Variants in ANO3 observed in about 807,000 individuals in gnomAD.
ANO3 encodes anoctamin-3.
ANO3 carries 99 observed loss-of-function variants against 144.8 expected under a neutral mutation model. That is an observed-to-expected ratio of 0.68 (90% CI 0.58 to 0.81). ANO3 has a LOEUF of 0.81. Among genes scored for constraint, ANO3 ranks in the 30% least tolerant of loss-of-function variants. The pLI is 0.00. For missense variants in ANO3, 905 were observed against 1,202.2 expected, an observed-to-expected ratio of 0.75 and a Z score of 3.66; for synonymous variants, 414 against 392.6, an observed-to-expected ratio of 1.05 and a Z score of -0.64.
chr11:26,412,099 A>G (rs1312188030), intron 1 of ANO3, among the ~76,000 whole-genome samples: 1 of 152,048 alleles, frequency 6.6e-6, no homozygotes, highest in Admixed American at 6.6e-5. Context: ...TAAAAATTCA[A>G]AATGTTTATA....
At chr11:26,516,530 T>G (rs1386591602) in intron 5 of ANO3, among the ~76,000 whole-genome samples, 1 of 151,928 alleles carries the variant, frequency 6.6e-6, no homozygotes, top group African/African-American at 2.4e-5. Context: ...CTTCAGATTT[T>G]TAATTGGCTC....
At chr11:26,594,676 G>T (rs986775655) in intron 14 of ANO3, among the ~76,000 whole-genome samples, 2 of 152,106 alleles carry the variant, frequency 1.3e-5, no homozygotes, top group East Asian at 1.9e-4. Flanking sequence ...TTGAAGGGGG[G>T]TCTTTATTAG....
intron 1 of ANO3, among the ~76,000 whole-genome samples, chr11:26,387,541 C>T (rs1433703580): frequency 6.6e-6 from 1 of 151,842 alleles, no homozygotes; most frequent in Non-Finnish European, 1.5e-5. Flanking sequence ...ATTTTTGTTG[C>T]CTGTTCATCT....
chr11:26,564,722 CACACACACACATATATATATATATAT>C (rs1173306516), intron 14 of ANO3, among the ~76,000 whole-genome samples: 27 of 66,988 alleles, frequency 4.0e-4, no homozygotes, highest in Non-Finnish European at 5.9e-4. Flanking sequence ...CACACACACA[CACACACACACATATATATATATATAT>C]ATATATATAT....
chr11:26,408,848 C>T (rs1857358768), intron 1 of ANO3, among the ~76,000 whole-genome samples: 1 of 151,584 alleles, frequency 6.6e-6, no homozygotes, highest in South Asian at 2.1e-4. Flanking sequence ...AACTGGAAAC[C>T]ATCATTCTCA....
chr11:26,509,290 A>G (rs545809714), intron 5 of ANO3, among the ~76,000 whole-genome samples: 21 of 152,072 alleles, frequency 1.4e-4, no homozygotes, highest in African/African-American at 2.6e-4. Context: ...TAACTATTAC[A>G]GAGACACCTA....
upstream of ANO3, among the ~76,000 whole-genome samples, chr11:26,307,455 C>T (rs1271043975): frequency 6.6e-6 from 1 of 152,080 alleles, no homozygotes; most frequent in Non-Finnish European, 1.5e-5. Context: ...AATCCCAGCA[C>T]TTTGGGAGGC....
At chr11:26,219,666 A>C (rs1271643874) in intron 1 of ANO3, among the ~76,000 whole-genome samples, 4 of 152,210 alleles carry the variant, frequency 2.6e-5, no homozygotes, top group African/African-American at 4.8e-5. Flanking sequence ...ACAAACGTTC[A>C]TAAGTCTAAC....
chr11:26,551,298 A>G (rs1449992548), intron 12 of ANO3, among the ~76,000 whole-genome samples: 2 of 152,042 alleles, frequency 1.3e-5, no homozygotes, highest in African/African-American at 4.8e-5. Flanking sequence ...AATACAAAAC[A>G]AAAGAAAACC....
At chr11:26,423,308 A>C (rs1450650689) in intron 1 of ANO3, among the ~76,000 whole-genome samples, 1 of 35,624 alleles carries the variant, frequency 2.8e-5, no homozygotes, top group Non-Finnish European at 5.8e-5. Context: ...ATACCTTTAT[A>C]CTTTTTTTTT....
At chr11:26,487,411 C>T (rs376335711) in intron 4 of ANO3, among the ~76,000 whole-genome samples, 64 of 152,204 alleles carry the variant, frequency 4.2e-4, no homozygotes, top group African/African-American at 1.4e-3. Flanking sequence ...CTTTTTGTTC[C>T]CAGTTTGTGT....
intron 1 of ANO3, among the ~76,000 whole-genome samples, chr11:26,349,673 G>A (rs1235884712): frequency 3.3e-5 from 5 of 151,852 alleles, no homozygotes; most frequent in Non-Finnish European, 7.4e-5. Flanking sequence ...CTCAGCCTCC[G>A]GAGTAGCTGG....
At chr11:26,544,550 A>G (rs1029964041) in intron 11 of ANO3, among the ~76,000 whole-genome samples, 3 of 149,230 alleles carry the variant, frequency 2.0e-5, no homozygotes, top group Admixed American at 6.8e-5. Context: ...AGTTAATAAT[A>G]ATGTATTTTA....
intron 1 of ANO3, among the ~76,000 whole-genome samples, chr11:26,382,773 G>A (rs719106): frequency 0.27 from 40,592 of 151,966 alleles, 6,097 homozygotes; most frequent in African/African-American, 0.41. Context: ...ATAATTAGAA[G>A]TATGTGTTAC....
intron 26 of ANO3, among the ~76,000 whole-genome samples, chr11:26,657,008 A>C (rs759909369): frequency 3.3e-5 from 5 of 152,164 alleles, no homozygotes; most frequent in Non-Finnish European, 7.4e-5. Context: ...CCTGTGAAGA[A>C]ATTTGGCAGA....
intron 1 of ANO3, among the ~76,000 whole-genome samples, chr11:26,372,488 T>C (rs1189689001): frequency 6.6e-6 from 1 of 152,248 alleles, no homozygotes; most frequent in Non-Finnish European, 1.5e-5. Flanking sequence ...GTTCTTTTTA[T>C]AGAAGAGGAT....
intron 1 of ANO3, chr11:26,426,928 A>G (rs1411767605): frequency 6.6e-6 from 1 of 152,290 alleles, no homozygotes; most frequent in Admixed American, 6.5e-5. Flanking sequence ...CTCACACTTT[A>G]AATCAAATCT....
intron 22 of ANO3, 133 bp downstream of exon 22, chr11:26,642,162 T>G: frequency 1.1e-6 from 1 of 940,484 alleles, no homozygotes; most frequent in Non-Finnish European, 1.6e-6. Context: ...CGTCTGCACC[T>G]TCATCTCAAG....
intron 1 of ANO3, among the ~76,000 whole-genome samples, chr11:26,235,708 A>G (rs918426871): frequency 6.6e-6 from 1 of 150,890 alleles, no homozygotes; most frequent in Non-Finnish European, 1.5e-5. Flanking sequence ...CATCATTGTG[A>G]TTACATTATT....
Sources: allele counts gnomAD v4.1 joint callset (sites outside exome capture counted in the v4.1 genomes callset), GRCh38; gene constraint gnomAD v4.1.1; transcripts MANE v1.5; gene names NCBI Gene and HGNC (gene_info 2026-07-23, HGNC 2026-07-21).